Variants in MAGI2 observed in about 807,000 individuals in gnomAD.
MAGI2 encodes the protein membrane associated guanylate kinase, WW and PDZ domain containing 2, also known as membrane-associated guanylate kinase, WW and PDZ domain-containing protein 2.
A neutral mutation model predicts 133.3 loss-of-function variants in MAGI2; 35 were observed. The ratio of observed to expected loss-of-function variants is 0.26; its 90% CI spans 0.20 to 0.35. The LOEUF (loss-of-function observed/expected upper bound fraction) is 0.35, where lower values mean the gene tolerates loss of function less well. Among genes scored for constraint, MAGI2 ranks in the 10% least tolerant of loss-of-function variants. MAGI2 has a pLI of 1.00. For missense variants in MAGI2, 1,636 were observed against 1,863.4 expected (o/e 0.88, Z 2.25); for synonymous variants, 729 against 710.6 (o/e 1.03, Z -0.41).
At chr7:78,933,094 G>A (rs1800259908) in intron 2 of MAGI2, among the ~76,000 whole-genome samples, 1 of 152,050 alleles carries the variant, frequency 6.6e-6, no homozygotes, top group African/African-American at 2.4e-5. Flanking sequence ...TATGTTTTTT[G>A]TTTGGGTTCC....
intron 21 of MAGI2, among the ~76,000 whole-genome samples, chr7:78,036,874 A>G (rs898829139): frequency 6.6e-6 from 1 of 152,184 alleles, no homozygotes; most frequent in African/African-American, 2.4e-5. Flanking sequence ...TTGGCCTCCC[A>G]AAGTGCTGAG....
chr7:78,999,605 T>C (rs1325895542), intron 2 of MAGI2, among the ~76,000 whole-genome samples: 1 of 152,198 alleles, frequency 6.6e-6, no homozygotes, highest in Non-Finnish European at 1.5e-5. Context: ...AAACCTAATA[T>C]AGCTTTCCGT....
At chr7:78,666,106 C>T (rs1293716339) in intron 2 of MAGI2, among the ~76,000 whole-genome samples, 1 of 152,098 alleles carries the variant, frequency 6.6e-6, no homozygotes, top group East Asian at 1.9e-4. Flanking sequence ...GTAACTTTTG[C>T]TATCCAACGT....
At chr7:78,597,245 G>A (rs928225128) in intron 3 of MAGI2, among the ~76,000 whole-genome samples, 1 of 151,882 alleles carries the variant, frequency 6.6e-6, no homozygotes, top group Non-Finnish European at 1.5e-5. Context: ...TTATTTCTGA[G>A]CATATTCCAA....
intron 6 of MAGI2, among the ~76,000 whole-genome samples, chr7:78,481,527 A>C (rs771974691): frequency 7.9e-5 from 12 of 151,842 alleles, no homozygotes; most frequent in Non-Finnish European, 1.5e-4. Flanking sequence ...CATATCAGTC[A>C]CTCTACCCAA....
chr7:79,109,437 G>A (rs538135406), intron 1 of MAGI2, among the ~76,000 whole-genome samples: 194 of 152,286 alleles, frequency 1.3e-3, no homozygotes, highest in Non-Finnish European at 2.0e-3. Flanking sequence ...ATGGATCTGT[G>A]GAAGTTTAAA....
intron 16 of MAGI2, among the ~76,000 whole-genome samples, chr7:78,144,968 G>T (rs1266354668): frequency 6.6e-6 from 1 of 152,022 alleles, no homozygotes; most frequent in Non-Finnish European, 1.5e-5. Flanking sequence ...ACTTATGAGT[G>T]AGAACATGCG....
chr7:78,947,299 T>C (rs571106787), intron 2 of MAGI2, among the ~76,000 whole-genome samples: 6 of 152,210 alleles, frequency 3.9e-5, no homozygotes, highest in Admixed American at 2.6e-4. Context: ...CCCAAATACG[T>C]GACACATTTT....
At chr7:78,811,306 A>G (rs1007608431) in intron 2 of MAGI2, among the ~76,000 whole-genome samples, 3 of 152,068 alleles carry the variant, frequency 2.0e-5, no homozygotes, top group African/African-American at 7.2e-5. Context: ...ATTTTAATTT[A>G]TAACACTTAG....
At chr7:78,708,232 G>A (rs1818843044) in intron 2 of MAGI2, among the ~76,000 whole-genome samples, 2 of 152,124 alleles carry the variant, frequency 1.3e-5, no homozygotes, top group African/African-American at 4.8e-5. Context: ...TATTCATGCA[G>A]CTTCCTTTGA....
rs1010399138 is a variant in MAGI2, at chr7:78,742,049, C to T, written c.419-114810G>A. Among the ~76,000 whole-genome samples, 5 of 151,808 alleles carry T rather than the reference C, an allele frequency of 3.3e-5. No homozygotes were observed. In the South Asian group the frequency reaches 8.4e-4, roughly 25 times the overall value. ...GACAGTAATCAGGATCTGGAAAGCC[C>T]TTTTGGTAATTGCATTGGGTAGAAC... is the stretch of plus-strand genomic sequence containing the variant. On this transcript the variant is annotated intron_variant, in intron 2 of 21. Coordinates refer to ENST00000354212, the MANE Select transcript of MAGI2 (RefSeq NM_012301.4).
At chr7:79,425,768 A>G (rs1463767288) in intron 1 of MAGI2, among the ~76,000 whole-genome samples, 2 of 151,268 alleles carry the variant, frequency 1.3e-5, no homozygotes, top group Non-Finnish European at 2.9e-5. Flanking sequence ...CAGACAAAAT[A>G]GAGAGAGAGA....
intron 4 of MAGI2, among the ~76,000 whole-genome samples, chr7:78,512,530 C>A (rs966269941): frequency 6.6e-6 from 1 of 152,166 alleles, no homozygotes; most frequent in Non-Finnish European, 1.5e-5. Flanking sequence ...CTCAGTCTCC[C>A]GAGTAACTGG....
intron 2 of MAGI2, among the ~76,000 whole-genome samples, chr7:78,831,472 G>C (rs1791144564): frequency 1.3e-5 from 2 of 151,724 alleles, no homozygotes; most frequent in South Asian, 2.1e-4. Flanking sequence ...CACAATCTCA[G>C]TTCACTGCAG....
chr7:78,839,117 G>A (rs914122633), intron 2 of MAGI2, among the ~76,000 whole-genome samples: 1 of 151,926 alleles, frequency 6.6e-6, no homozygotes, highest in Admixed American at 6.6e-5. Flanking sequence ...GGGAAGGAGT[G>A]ATGGAAAGAG....
intron 1 of MAGI2, among the ~76,000 whole-genome samples, chr7:79,399,965 T>G (rs1036341762): frequency 6.6e-6 from 1 of 152,350 alleles, no homozygotes; most frequent in Non-Finnish European, 1.5e-5. Context: ...TTTAGTCGCA[T>G]ATATTTGATC....
chr7:78,083,517 C>T (rs553640101), intron 20 of MAGI2, among the ~76,000 whole-genome samples: 4 of 151,362 alleles, frequency 2.6e-5, no homozygotes, highest in African/African-American at 4.9e-5. Flanking sequence ...CAAGGAAATG[C>T]CAAATTTAGG....
intron 2 of MAGI2, among the ~76,000 whole-genome samples, chr7:78,848,672 C>A (rs1226365139): frequency 6.6e-6 from 1 of 151,986 alleles, no homozygotes; most frequent in Non-Finnish European, 1.5e-5. Context: ...ATTCTGTCAA[C>A]CCCAAGCTTA....
chr7:79,251,389 G>GA (rs1181928815), intron 1 of MAGI2, among the ~76,000 whole-genome samples: 4 of 151,678 alleles, frequency 2.6e-5, no homozygotes, highest in Admixed American at 2.0e-4. Context: ...CAACTCTATA[G>GA]AAAAAAACTC....
Sources: allele counts gnomAD v4.1 joint callset (sites outside exome capture counted in the v4.1 genomes callset), GRCh38; gene constraint gnomAD v4.1.1; transcripts MANE v1.5; gene names NCBI Gene and HGNC (gene_info 2026-07-23, HGNC 2026-07-21).